PDZD9: variants seen among roughly 807,000 people sequenced by gnomAD.
The protein encoded by PDZD9 is PDZ domain containing 9.
PDZD9 carries 13 observed loss-of-function variants against 16.3 expected under a neutral mutation model. The ratio of observed to expected loss-of-function variants is 0.80; its 90% CI spans 0.52 to 1.27. The LOEUF is 1.27. Ranked by LOEUF, PDZD9 falls within the 50% of genes most tolerant of loss-of-function variation. The pLI, the probability that PDZD9 is intolerant of heterozygous loss-of-function variation, is 0.00. For missense variants in PDZD9, 288 were observed against 310.9 expected, an observed-to-expected ratio of 0.93 and a Z score of 0.55; for synonymous variants, 120 against 111.0, an observed-to-expected ratio of 1.08 and a Z score of -0.51.
chr16:21,991,827 G>A (rs190020404), intron 2 of PDZD9, among the ~76,000 whole-genome samples: 17 of 152,248 alleles, frequency 1.1e-4, no homozygotes, highest in South Asian at 6.2e-4. Flanking sequence ...GAATGATGCC[G>A]AGGAGAACTG....
chr16:21,978,213 G>A, the PDZD9 span, among the ~76,000 whole-genome samples: 4 of 152,110 alleles, frequency 2.6e-5, no homozygotes, highest in African/African-American at 9.7e-5. Context: ...TGTCATTGCC[G>A]AAAGGACACA....
chr16:21,966,058 A>G, the PDZD9 span, among the ~76,000 whole-genome samples: 2 of 151,962 alleles, frequency 1.3e-5, no homozygotes, highest in Non-Finnish European at 1.5e-5. Flanking sequence ...TCATGCGTGT[A>G]ATCTCAGCAC....
chr16:21,962,869 T>C, the PDZD9 span: 1 of 1,613,912 alleles, frequency 6.2e-7, no homozygotes, highest in African/African-American at 1.3e-5. Flanking sequence ...CTGTGGCCTT[T>C]CAGAATCCGC....
intron 2 of PDZD9, among the ~76,000 whole-genome samples, chr16:21,993,469 G>A (rs1899072617): frequency 6.6e-6 from 1 of 152,154 alleles, no homozygotes; most frequent in African/African-American, 2.4e-5. Flanking sequence ...AGTGATGTGT[G>A]GGGAAAATGC....
chr16:21,990,953 T>G (rs889075893), intron 2 of PDZD9, among the ~76,000 whole-genome samples: 4 of 152,222 alleles, frequency 2.6e-5, no homozygotes, highest in African/African-American at 9.6e-5. Context: ...TTTTTCTGTT[T>G]TAATGGGCTA....
At chr16:21,972,972 C>T in the PDZD9 span, among the ~76,000 whole-genome samples, 3 of 152,150 alleles carry the variant, frequency 2.0e-5, no homozygotes, top group South Asian at 2.1e-4. Context: ...TGGTGGCGCA[C>T]GCCTGTAGTC....
intron 2 of PDZD9, among the ~76,000 whole-genome samples, chr16:21,990,074 T>C (rs1392856455): frequency 6.6e-6 from 1 of 152,190 alleles, no homozygotes. Flanking sequence ...CTCCAGCCTT[T>C]TGGGAGATTC....
At chr16:21,998,744 T>A (rs542494502) in intron 1 of PDZD9, 1 of 106,342 alleles carries the variant, frequency 9.4e-6, no homozygotes, top group African/African-American at 3.8e-5. Flanking sequence ...TAATCCCAGC[T>A]ACAAGCCTGG....
the PDZD9 span, among the ~76,000 whole-genome samples, chr16:21,966,370 A>G: frequency 6.6e-6 from 1 of 152,202 alleles, no homozygotes; most frequent in Admixed American, 6.5e-5. Context: ...TGCATCTTAG[A>G]ACTTTGTTTC....
the PDZD9 span, chr16:21,971,382 G>A: frequency 4.7e-6 from 3 of 642,256 alleles, no homozygotes; most frequent in Non-Finnish European, 8.0e-6. Context: ...ATCTCTGGGA[G>A]AGTGGCATTA....
At chr16:21,995,945 C>T (rs1899138437) in intron 2 of PDZD9, among the ~76,000 whole-genome samples, 1 of 152,184 alleles carries the variant, frequency 6.6e-6, no homozygotes, top group Non-Finnish European at 1.5e-5. Context: ...GCATGTGCCA[C>T]CACGCCTGGC....
At chr16:21,999,502 G>A (rs1899236458) in intron 1 of PDZD9, 1 of 152,284 alleles carries the variant, frequency 6.6e-6, no homozygotes, top group Admixed American at 6.5e-5. Flanking sequence ...CCTTCCCAAG[G>A]ACAAGCAGTC....
chr16:21,982,139 C>T (rs1898746512), downstream of PDZD9, among the ~76,000 whole-genome samples: 1 of 151,954 alleles, frequency 6.6e-6, no homozygotes, highest in Admixed American at 6.6e-5. Flanking sequence ...CGCGCCCAGC[C>T]CATTTGGTAC....
the PDZD9 span, chr16:21,971,674 G>C: frequency 9.0e-6 from 14 of 1,557,418 alleles, no homozygotes; most frequent in Non-Finnish European, 8.8e-7. Context: ...TTCCCCACTA[G>C]AATAGCATAT....
At chr16:21,962,736 A>G in the PDZD9 span, 4 of 1,613,768 alleles carry the variant, frequency 2.5e-6, no homozygotes, top group East Asian at 2.2e-5. Context: ...TTGACTCATA[A>G]TTCTTATCTC....
downstream of PDZD9, chr16:21,983,119 C>T: frequency 6.2e-7 from 1 of 1,614,032 alleles, no homozygotes; most frequent in Non-Finnish European, 8.5e-7. Flanking sequence ...GGCCAGAAGT[C>T]AATGGCAGCA....
chr16:21,962,589 T>C, the PDZD9 span: 2 of 1,603,946 alleles, frequency 1.2e-6, no homozygotes, highest in Non-Finnish European at 8.5e-7. Flanking sequence ...GTCTTTGTAA[T>C]GCGTCATTAT....
chr16:21,965,224 A>G, the PDZD9 span, among the ~76,000 whole-genome samples: 1 of 152,196 alleles, frequency 6.6e-6, no homozygotes, highest in Non-Finnish European at 1.5e-5. Flanking sequence ...TTTTTTTCTC[A>G]GCACATTCTA....
intron 2 of PDZD9, among the ~76,000 whole-genome samples, chr16:21,993,225 A>G (rs1236344583): frequency 6.6e-6 from 1 of 152,130 alleles, no homozygotes; most frequent in African/African-American, 2.4e-5. Context: ...TCTAACCTCA[A>G]AGAGCCCACT....
Sources: gnomAD v4.1 joint callset for allele counts (sites outside exome capture counted in the v4.1 genomes callset) on GRCh38, gnomAD v4.1.1 for gene constraint, MANE v1.5 for transcripts, NCBI Gene and HGNC (gene_info 2026-07-23, HGNC 2026-07-21) for gene names.